The following GTF2E2 variants were observed in gnomAD, a reference collection of about 807,000 sequenced individuals.
The protein encoded by GTF2E2 is transcription initiation factor IIE subunit beta.
A neutral mutation model predicts 40.5 loss-of-function variants in GTF2E2; 21 were observed. The observed-to-expected ratio is 0.52, with a 90% CI of 0.37 to 0.75. GTF2E2 has a LOEUF of 0.75. GTF2E2 is among the 30% of genes least tolerant of loss of function. The probability of loss-of-function intolerance (pLI) is 0.00; values close to 1 mark genes in which losing one functional copy is unlikely to be tolerated. For synonymous variants in GTF2E2, 117 were observed against 121.6 expected (o/e 0.96, Z 0.25); for missense variants, 298 against 338.4 (o/e 0.88, Z 0.94).
rs199775747 is a variant in GTF2E2 at position 30,625,923 on chromosome 8, T to C, written c.258+9109A>G. 9.9e-5 allele frequency among the ~76,000 whole-genome samples: 15 copies of C among 152,198 alleles called. No individual in the cohort carries two copies. In the East Asian group the frequency reaches 2.9e-3, roughly 29 times the overall value. The stretch of plus-strand genomic sequence containing the variant: ...CTGCCACTATCCGTTTTTGATGCAA[T>C]AGGGGCAGTTAGGCCACTGATAATT... On this transcript the variant is annotated intron_variant, in intron 3 of 7. Coordinates refer to ENST00000355904, the MANE Select transcript of GTF2E2 (RefSeq NM_002095.6).
chr8:30,594,363 T>C (rs576563630), intron 6 of GTF2E2, among the ~76,000 whole-genome samples: 7 of 151,730 alleles, frequency 4.6e-5, no homozygotes, highest in African/African-American at 1.7e-4. Flanking sequence ...GCTGAAGCAA[T>C]TCTACTGCCT....
chr8:30,635,254 T>C (rs1585989496), intron 2 of GTF2E2, 131 bp from the exon 3 acceptor site: 1 of 537,418 alleles, frequency 1.9e-6, no homozygotes, highest in Non-Finnish European at 3.3e-6. Flanking sequence ...TGTAATATTC[T>C]GGTGAAAAAT....
At chr8:30,625,951 T>C (rs986297647) in intron 3 of GTF2E2, among the ~76,000 whole-genome samples, 1 of 152,146 alleles carries the variant, frequency 6.6e-6, no homozygotes, top group East Asian at 1.9e-4. Context: ...TGATAATTGG[T>C]AAGCTCTATA....
At position 30,607,089 on chromosome 8, in the gene GTF2E2, T is replaced by C. The variant is rs138879441; in HGVS notation, c.611A>G (p.Asn204Ser). 5.7e-5 allele frequency: 85 copies of C among 1,484,644 alleles called. No individual in the cohort carries two copies. The highest frequency in any genetic ancestry group is 7.1e-5 in the Non-Finnish European group (76 of 1,074,184). The allele number at this position is 1,484,644 out of a possible 1,614,324, so 92.0% of individuals were successfully genotyped here. Residue 204 changes from asparagine (N) to serine (S), a missense_variant, in exon 6 of 8, where the codon AAT (asparagine) becomes AGT (serine). By Grantham distance (46) the Asn-to-Ser change is conservative. Coordinates refer to ENST00000355904, the MANE Select transcript of GTF2E2 (RefSeq NM_002095.6). ...CACAGAAAACTGACAGCTCTTATCA[T>C]TGAAGAAAAGTATTTTCTTCTTATC... Reference protein sequence around the residue: ...RPDKKKILFFNDKSCQFSVDE... With the variant: ...RPDKKKILFFSDKSCQFSVDE...
intron 6 of GTF2E2, among the ~76,000 whole-genome samples, chr8:30,601,462 C>G (rs1439584741): frequency 6.6e-6 from 1 of 152,132 alleles, no homozygotes; most frequent in East Asian, 1.9e-4. Context: ...TGTCACACTG[C>G]AGGGAAGCTA....
intron 6 of GTF2E2, chr8:30,584,857 T>C (rs946262438): frequency 1.3e-5 from 2 of 152,196 alleles, no homozygotes; most frequent in African/African-American, 4.8e-5. Flanking sequence ...CATCTTAATT[T>C]TTCTGCCTCC....
At chr8:30,642,029 T>C (rs1283044373) in intron 2 of GTF2E2, among the ~76,000 whole-genome samples, 3 of 152,226 alleles carry the variant, frequency 2.0e-5, no homozygotes, top group Non-Finnish European at 1.5e-5. Flanking sequence ...AAAATGACAG[T>C]GTTTCCTAAT....
chr8:30,627,739 A>C (rs941323182), intron 3 of GTF2E2, among the ~76,000 whole-genome samples: 2 of 152,202 alleles, frequency 1.3e-5, no homozygotes, highest in Non-Finnish European at 2.9e-5. Flanking sequence ...GAGCACCTAA[A>C]TCTCTTGCTA....
intron 3 of GTF2E2, among the ~76,000 whole-genome samples, chr8:30,627,484 CT>C (rs1801320743): frequency 6.7e-6 from 1 of 148,248 alleles, no homozygotes; most frequent in African/African-American, 2.5e-5. Context: ...CAGGACATCG[CT>C]TTTTTCAGAG....
At chr8:30,631,558 C>A (rs765542401) in intron 3 of GTF2E2, among the ~76,000 whole-genome samples, 1 of 152,048 alleles carries the variant, frequency 6.6e-6, no homozygotes, top group Non-Finnish European at 1.5e-5. Context: ...TTTGTCAAAT[C>A]GTATCATTAA....
At chr8:30,623,698 G>T (rs1801180587) in intron 3 of GTF2E2, among the ~76,000 whole-genome samples, 2 of 151,912 alleles carry the variant, frequency 1.3e-5, no homozygotes, top group African/African-American at 4.8e-5. Context: ...ACTTTTTAAT[G>T]ATCATCATTC....
intron 3 of GTF2E2, among the ~76,000 whole-genome samples, chr8:30,626,668 G>C (rs1801285851): frequency 6.6e-6 from 1 of 152,022 alleles, no homozygotes; most frequent in African/African-American, 2.4e-5. Context: ...CCTAGGCCCA[G>C]GAACAATTCT....
At chr8:30,600,884 T>C (rs986245897) in intron 6 of GTF2E2, among the ~76,000 whole-genome samples, 6 of 152,204 alleles carry the variant, frequency 3.9e-5, no homozygotes, top group Admixed American at 3.9e-4. Flanking sequence ...GCCTGAAGTG[T>C]GCGCACTCAG....
At chr8:30,625,668 G>A (rs1015370039) in intron 3 of GTF2E2, among the ~76,000 whole-genome samples, 5 of 151,974 alleles carry the variant, frequency 3.3e-5, no homozygotes, top group Non-Finnish European at 5.9e-5. Context: ...GCACGATCTC[G>A]GCTCACTGCA....
chr8:30,646,953 C>T (rs571366016), intron 2 of GTF2E2, among the ~76,000 whole-genome samples: 1 of 111,074 alleles, frequency 9.0e-6, no homozygotes, highest in South Asian at 3.2e-4. Flanking sequence ...GCACTCTAGC[C>T]TGGGTGACAG....
chr8:30,618,758 G>C (rs578189544), intron 3 of GTF2E2, among the ~76,000 whole-genome samples: 1 of 152,212 alleles, frequency 6.6e-6, no homozygotes, highest in African/African-American at 2.4e-5. Context: ...TTCCTTCAAA[G>C]TAAAGCTGGC....
intron 6 of GTF2E2, among the ~76,000 whole-genome samples, chr8:30,587,948 A>G (rs1828731815): frequency 6.6e-6 from 1 of 152,094 alleles, no homozygotes; most frequent in Non-Finnish European, 1.5e-5. Context: ...TTAGGGAAAT[A>G]CAAATCAAAA....
At chr8:30,614,562 A>G in intron 4 of GTF2E2, 46 bp downstream of exon 4, 1 of 1,093,614 alleles carries the variant, frequency 9.1e-7, no homozygotes, top group Non-Finnish European at 1.4e-6. Flanking sequence ...AAAAAAGAAA[A>G]TTCTAGTTAC....
intron 3 of GTF2E2, among the ~76,000 whole-genome samples, chr8:30,625,560 G>A (rs1801246506): frequency 6.6e-6 from 1 of 151,644 alleles, no homozygotes; most frequent in Admixed American, 6.5e-5. Context: ...TTAGCACCAT[G>A]TGGCAGTGTG....
Sources: gnomAD v4.1 joint callset for allele counts (sites outside exome capture counted in the v4.1 genomes callset) on GRCh38, gnomAD v4.1.1 for gene constraint, MANE v1.5 for transcripts, NCBI Gene and HGNC (gene_info 2026-07-23, HGNC 2026-07-21) for gene names.